IL17RC: variants seen among roughly 807,000 people sequenced by gnomAD.
IL17RC encodes the protein interleukin 17 receptor C.
Under a neutral mutation model 86.7 loss-of-function variants are expected in IL17RC, and 53 were observed. That is an observed-to-expected ratio of 0.61 (90% confidence interval 0.49 to 0.77). The LOEUF is 0.77. IL17RC is among the 30% of genes least tolerant of loss of function. The probability of loss-of-function intolerance (pLI) is 0.00; values close to 1 mark genes in which losing one functional copy is unlikely to be tolerated. For missense variants in IL17RC, 957 were observed against 940.0 expected (o/e 1.02, Z -0.24); for synonymous variants, 439 against 413.1 (o/e 1.06, Z -0.76).
rs182976377 is a variant in IL17RC at position 9,929,311 on chromosome 3, G to A, written c.1111-541G>A. The A allele has an allele frequency of 5.0e-4, 77 of 154,492 alleles. 2 individuals are homozygous for A. The East Asian group carries it at 5.4e-3, about 11-fold the overall frequency. 9.6% of individuals were successfully genotyped at this position (154,492 alleles called of 1,614,324 possible). ...CCTGGGTGACAGAGTGAGACTGGGC[G>A]ACAGAGTGAAACTCCGTCTCAAAAA... On this transcript the variant is annotated intron_variant, in intron 12 of 18. Transcript: ENST00000403601.
chr3:9,921,107 C>A, intron 7 of IL17RC, 138 bp downstream of exon 7: 1 of 489,852 alleles, frequency 2.0e-6, no homozygotes, highest in South Asian at 2.7e-5. Flanking sequence ...TTCATTCATT[C>A]ATTTGTTCAT....
chr3:9,922,054 G>A (rs935510547), intron 7 of IL17RC, among the ~76,000 whole-genome samples: 3 of 145,948 alleles, frequency 2.1e-5, no homozygotes, highest in African/African-American at 7.7e-5. Context: ...CTGGGTTCAA[G>A]CGATTCTCCT....
intron 7 of IL17RC, among the ~76,000 whole-genome samples, 196 bp downstream of exon 7, chr3:9,921,165 G>A (rs2125158310): frequency 1.3e-5 from 2 of 152,296 alleles, no homozygotes; most frequent in Non-Finnish European, 2.9e-5. Context: ...ATAGAAAGAT[G>A]AATCTTGGGT....
chr3:9,930,602 A>AG lies in IL17RC; in HGVS notation c.1338+145dup. 1 of 822,328 alleles carries AG rather than the reference A, an allele frequency of 1.2e-6. No homozygotes were observed. Among genetic ancestry groups the AG allele is most frequent in the Non-Finnish European group, 2.0e-6 (1 of 509,142 alleles). 50.9% of individuals were successfully genotyped at this position (822,328 alleles called of 1,614,324 possible). On this transcript the variant is annotated intron_variant, in intron 15 of 18. Transcript: ENST00000403601. The surrounding 1 kb of genome is among the most constrained non-coding windows in gnomAD (Gnocchi z 5.8). ...AGAAGAAGCACAGTTCCTATCCCCA[A>AG]GGAGCACACTGTTGGCTAGACACCC...
chr3:9,933,397 C>T lies in IL17RC; in HGVS notation c.1967C>T (p.Pro656Leu). Residue 656 changes from proline (P) to leucine (L), a missense_variant, in exon 19 of 19, where the codon CCC becomes CTC. Physicochemically the swap from Pro to Leu is moderately conservative, Grantham distance 98 (BLOSUM62 -3). Transcript: ENST00000403601. ...LFRTVPVFTL[P>L]SQLPDFLGAL... The stretch of plus-strand genomic sequence containing the variant: ...CGCACCGTGCCCGTCTTCACACTGC[C>T]CTCCCAACTGCCAGACTTCCTGGGG... 1 of 1,613,266 alleles carries T rather than the reference C, an allele frequency of 6.2e-7. No homozygotes were observed. Among genetic ancestry groups the T allele is most frequent in the Non-Finnish European group, 8.5e-7 (1 of 1,179,790 alleles).
At position 9,928,504 on chromosome 3, in the gene IL17RC, C is replaced by T. The variant is rs368681134; in HGVS notation, c.1059+18C>T. On this transcript the variant is annotated intron_variant, in intron 11 of 18. Transcript: ENST00000403601. ...CTGTGGACGTAAGTGAAGCAGAGGGCACCTCCCGTGGTGAGGGGAGAGTGG... is the reference window on the plus strand; with the variant it reads ...CTGTGGACGTAAGTGAAGCAGAGGGTACCTCCCGTGGTGAGGGGAGAGTGG... The T allele has an allele frequency of 3.7e-6, 6 of 1,612,836 alleles. No individual in the cohort carries two copies. The African/African-American group carries it at 5.3e-5, about 14-fold the overall frequency.
Position 9,930,960 on chromosome 3 carries a change from C to T in IL17RC, c.1387+17C>T, listed in dbSNP as rs561303430. ...TGGACAAATGTGAGTATTGTAAGAACTGCCTTTCCTTTCTGTACCAGGAGT... is the reference window on the plus strand; with the variant it reads ...TGGACAAATGTGAGTATTGTAAGAATTGCCTTTCCTTTCTGTACCAGGAGT... On this transcript the variant is annotated intron_variant, in intron 16 of 18. Transcript: ENST00000403601. This position sits in a 1 kb window ranked among gnomAD's most constrained non-coding sequence, Gnocchi z 5.8. 6.2e-7 allele frequency: 1 copy of T among 1,609,374 alleles called. No homozygotes were observed. Among genetic ancestry groups the T allele is most frequent in the African/African-American group, 1.3e-5 (1 of 74,820 alleles).
intron 7 of IL17RC, among the ~76,000 whole-genome samples, chr3:9,921,813 G>GA (rs1326602471): frequency 6.7e-6 from 1 of 148,396 alleles, no homozygotes; most frequent in Non-Finnish European, 1.5e-5. Context: ...TTTTAGTAGA[G>GA]ACAGGGTTTC....
At chr3:9,929,346 T>C (rs575165224) in intron 12 of IL17RC, 1 of 154,052 alleles carries the variant, frequency 6.5e-6, no homozygotes, top group Non-Finnish European at 1.4e-5. Flanking sequence ...AAAAAAAAAA[T>C]TCACTCATTC....
chr3:9,921,269 A>G (rs1445649960), intron 7 of IL17RC, among the ~76,000 whole-genome samples: 2 of 152,188 alleles, frequency 1.3e-5, no homozygotes, highest in East Asian at 1.9e-4. Flanking sequence ...AGCCTGGGCA[A>G]CATGGCAAAT....
intron 7 of IL17RC, 60 bp downstream of exon 7, chr3:9,921,029 C>A: frequency 1.8e-6 from 2 of 1,086,218 alleles, no homozygotes; most frequent in African/African-American, 1.6e-5. Context: ...GTATAAGAAA[C>A]CCTTGGAGTC....
chr3:9,920,673 C>T, intron 6 of IL17RC, 71 bp downstream of exon 6: 1 of 1,038,142 alleles, frequency 9.6e-7, no homozygotes, highest in Non-Finnish European at 1.5e-6. Context: ...TGATTTCACC[C>T]TCTTCTAGCT....
rs2084918436 is a variant in IL17RC at position 9,932,955 on chromosome 3, G to T, written c.1525G>T (p.Ala509Ser). The T allele has an allele frequency of 6.2e-7, 1 of 1,606,464 alleles. No homozygotes were observed. The highest frequency in any genetic ancestry group is 8.5e-7 in the Non-Finnish European group (1 of 1,178,114). Residue 509 changes from alanine (A) to serine (S), a missense_variant and splice_region_variant, in exon 19 of 19, where the codon GCC (alanine) becomes TCC (serine). Transcript: ENST00000403601. Reference protein sequence around the residue: ...LLKQDVRSGAAARGRAALLLY... With the variant: ...LLKQDVRSGASARGRAALLLY... ...TCCCCATCTGTTTTCTCCGGCAGCG[G>T]CCGCCAGGGGCCGCGCGGCTCTGCT...
In IL17RC at chr3:9,918,419, A is replaced by G. The variant is rs1225857299; in HGVS notation, c.355+10A>G. Reference sequence around the variant, plus strand: ...GAGGAGCCTAGGAATGGTGAGGAGAACCTGGCTGGCCCAACTGCCCCATGC... The same window carrying G: ...GAGGAGCCTAGGAATGGTGAGGAGAGCCTGGCTGGCCCAACTGCCCCATGC... On this transcript the variant is annotated intron_variant, in intron 4 of 18. Coordinates refer to ENST00000403601, the MANE Select transcript of IL17RC (RefSeq NM_153460.4). 6.2e-7 allele frequency: 1 copy of G among 1,612,734 alleles called. No homozygotes were observed. The highest frequency in any genetic ancestry group is 1.7e-5 in the Admixed American group (1 of 59,850).
In IL17RC at chr3:9,930,014, C is replaced by T. The variant is rs771219147; in HGVS notation, c.1157-14C>T. The stretch of plus-strand genomic sequence containing the variant: ...GGATGGGTCTTGGTCAGAGTGGCCT[C>T]TCACCCCTTCCAGACTCCCTGGGGC... On this transcript the variant is annotated splice_polypyrimidine_tract_variant and intron_variant, in intron 13 of 18. Coordinates refer to ENST00000403601, the MANE Select transcript of IL17RC (RefSeq NM_153460.4). This position sits in a 1 kb window ranked among gnomAD's most constrained non-coding sequence, Gnocchi z 5.8. The T allele has an allele frequency of 5.6e-6, 9 of 1,613,902 alleles. No homozygotes were observed. The East Asian group carries it at 2.0e-4, about 36-fold the overall frequency.
intron 12 of IL17RC, chr3:9,929,596 G>C: frequency 3.7e-6 from 2 of 546,144 alleles, no homozygotes; most frequent in South Asian, 2.2e-5. Flanking sequence ...GGTTAGATGA[G>C]AGGGGAACCA....
intron 12 of IL17RC, 51 bp from the exon 13 acceptor site, chr3:9,929,801 C>G (rs371567194): frequency 9.3e-6 from 15 of 1,610,050 alleles, no homozygotes; most frequent in African/African-American, 8.0e-5. Context: ...GTCTTTCTGC[C>G]TTTGGCTTTT....
rs372245716 is a variant in IL17RC at position 9,933,345 on chromosome 3, C to T, written c.1915C>T (p.His639Tyr). 3 of 1,610,652 alleles carry T rather than the reference C, an allele frequency of 1.9e-6. No homozygotes were observed. The African/African-American group carries it at 4.0e-5, about 22-fold the overall frequency. The stretch of plus-strand genomic sequence containing the variant: ...GGGGGCCTGCTTCGACAGGCTGCTC[C>T]ACCCGGACGCCGTACCCGCCCTTTT... Reference protein sequence around the residue: ...YVGACFDRLLHPDAVPALFRT... With the variant: ...YVGACFDRLLYPDAVPALFRT... Residue 639 changes from histidine (H) to tyrosine (Y), a missense_variant, in exon 19 of 19, where the codon CAC becomes TAC. Physicochemically the swap from His to Tyr is moderately conservative, Grantham distance 83. Coordinates refer to ENST00000403601, the MANE Select transcript of IL17RC (RefSeq NM_153460.4).
rs1357945658 is a variant in IL17RC, at chr3:9,921,121, A to C, written c.622+152A>C. 8.7e-6 allele frequency: 5 copies of C among 571,736 alleles called. No homozygotes were observed. The East Asian group carries it at 1.2e-4, about 14-fold the overall frequency. The allele number at this position is 571,736 out of a possible 1,614,324, so 35.4% of individuals were successfully genotyped here. A position where few individuals can be genotyped will look rare whatever the true frequency, so the allele number is the denominator to read the frequency against. ...ATTCATTCATTCATTTGTTCATAAC[A>C]CATTAATTGCAGTATCTGTGCTAAG... On this transcript the variant is annotated intron_variant, in intron 7 of 18. Coordinates refer to ENST00000403601, the MANE Select transcript of IL17RC (RefSeq NM_153460.4).
Sources: allele counts gnomAD v4.1 joint callset (sites outside exome capture counted in the v4.1 genomes callset), GRCh38; gene constraint gnomAD v4.1.1; non-coding constraint Gnocchi (gnomAD v3.1); transcripts MANE v1.5; gene names NCBI Gene and HGNC (gene_info 2026-07-23, HGNC 2026-07-21).